The following PCDH15 variants were observed in gnomAD, a reference collection of about 807,000 sequenced individuals.
The protein encoded by PCDH15 is protocadherin related 15.
In PCDH15, 129 loss-of-function variants were observed where a neutral mutation model predicts 178.5. The ratio of observed to expected loss-of-function variants is 0.72; its 90% CI spans 0.63 to 0.84. The LOEUF is 0.84. PCDH15 is among the 40% of genes least tolerant of loss of function. PCDH15 has a pLI of 0.00. For missense variants in PCDH15, 2,230 were observed against 2,099.9 expected (o/e 1.06, Z -1.21); for synonymous variants, 800 against 732.0 (o/e 1.09, Z -1.50).
intron 1 of PCDH15, among the ~76,000 whole-genome samples, chr10:54,775,799 T>C (rs1949630551): frequency 6.6e-6 from 1 of 152,080 alleles, no homozygotes; most frequent in Non-Finnish European, 1.5e-5. Context: ...GGCAGGAGAA[T>C]GGCGTGAACC....
At chr10:54,336,215 T>C (rs1225330359) in intron 6 of PCDH15, among the ~76,000 whole-genome samples, 1 of 152,140 alleles carries the variant, frequency 6.6e-6, no homozygotes, top group African/African-American at 2.4e-5. Flanking sequence ...GCATAAAAAT[T>C]CAGAAAATTT....
intron 2 of PCDH15, among the ~76,000 whole-genome samples, chr10:55,480,187 G>T (rs970198270): frequency 6.6e-6 from 1 of 151,532 alleles, no homozygotes; most frequent in Admixed American, 6.6e-5. Flanking sequence ...CCAGAGATTT[G>T]CAGTTCTACT....
intron 3 of PCDH15, among the ~76,000 whole-genome samples, chr10:54,494,329 G>A (rs978128687): frequency 6.6e-6 from 1 of 151,984 alleles, no homozygotes; most frequent in Non-Finnish European, 1.5e-5. Flanking sequence ...ACTTAGATAA[G>A]ACCCACAGAT....
At chr10:55,228,096 T>C (rs1841103949) in intron 1 of PCDH15, among the ~76,000 whole-genome samples, 1 of 152,076 alleles carries the variant, frequency 6.6e-6, no homozygotes, top group Non-Finnish European at 1.5e-5. Context: ...TTTATTTCAA[T>C]TTTTCACAAT....
Position 53,822,784 on chromosome 10 carries a change from C to G in PCDH15, c.4368-2554G>C. Reference sequence around the variant, plus strand: ...AGAGATTTCAACTGTTCTGTTCCTTCTATCATCAGTGTTTCACCTTGCCTT... The same window carrying G: ...AGAGATTTCAACTGTTCTGTTCCTTGTATCATCAGTGTTTCACCTTGCCTT... On this transcript the variant is annotated intron_variant, in intron 32 of 37. Transcript: ENST00000644397. 6.2e-7 allele frequency: 1 copy of G among 1,614,096 alleles called. No homozygotes were observed. Among genetic ancestry groups the G allele is most frequent in the Non-Finnish European group, 8.5e-7 (1 of 1,179,970 alleles).
intron 8 of PCDH15, among the ~76,000 whole-genome samples, chr10:54,309,320 TAC>T (rs71984217): frequency 0.39 from 57,352 of 145,942 alleles, 11,378 homozygotes; most frequent in Middle Eastern, 0.46. Context: ...TATACGTACA[TAC>T]ACACACACAC....
chr10:54,825,158 A>G (rs1361703847), intron 3 of PCDH15, among the ~76,000 whole-genome samples: 3 of 152,128 alleles, frequency 2.0e-5, no homozygotes, highest in Non-Finnish European at 2.9e-5. Context: ...TTTGCTGAGA[A>G]TGATGGTTTC....
chr10:54,992,758 A>G (rs1223145637), intron 2 of PCDH15, among the ~76,000 whole-genome samples: 1 of 64,010 alleles, frequency 1.6e-5, no homozygotes, highest in Non-Finnish European at 2.8e-5. Flanking sequence ...CCATCTCAAG[A>G]AAAAAAAAAA....
chr10:54,302,184 T>C (rs770763122), intron 8 of PCDH15, among the ~76,000 whole-genome samples: 1 of 152,214 alleles, frequency 6.6e-6, no homozygotes, highest in Non-Finnish European at 1.5e-5. Flanking sequence ...GTTAGATACA[T>C]GTACCCTAAC....
intron 3 of PCDH15, among the ~76,000 whole-genome samples, chr10:54,430,829 G>A (rs932869906): frequency 5.9e-5 from 9 of 151,908 alleles, no homozygotes; most frequent in African/African-American, 1.9e-4. Flanking sequence ...TAAAAAGTTT[G>A]TTTGTTGAAA....
chr10:55,259,160 C>T (rs562530602), intron 1 of PCDH15, among the ~76,000 whole-genome samples: 79 of 152,180 alleles, frequency 5.2e-4, no homozygotes, highest in African/African-American at 1.8e-3. Context: ...CCAGATGGTA[C>T]CCCTGCTGTA....
chr10:55,457,602 T>G (rs1350640182), intron 2 of PCDH15, among the ~76,000 whole-genome samples: 1 of 152,032 alleles, frequency 6.6e-6, no homozygotes, highest in Non-Finnish European at 1.5e-5. Context: ...AGAAAACAAT[T>G]AATTAGCAAG....
At position 55,405,392 on chromosome 10, in the gene PCDH15, C is replaced by T. The variant is rs114368134; in HGVS notation, c.-156+222233G>A. ...CTTTATCTATGAAAGACTTCTTTGGCTTTAAATACCTGTCTTTTAACATCA... is the reference window on the plus strand; with the variant it reads ...CTTTATCTATGAAAGACTTCTTTGGTTTTAAATACCTGTCTTTTAACATCA... On this transcript the variant is annotated intron_variant, in intron 2 of 5. Transcript: ENST00000613346. Among the ~76,000 whole-genome samples the T allele has an allele frequency of 7.8e-3, 1,165 of 149,646 alleles. 15 individuals are homozygous for T. Among genetic ancestry groups the T allele is most frequent in the African/African-American group, 0.026 (1,048 of 40,776 alleles).
intron 1 of PCDH15, among the ~76,000 whole-genome samples, chr10:54,784,168 A>C (rs1950624091): frequency 6.6e-6 from 1 of 152,038 alleles, no homozygotes; most frequent in East Asian, 1.9e-4. Flanking sequence ...TGAGGGTTAT[A>C]GGGATTATGA....
intron 2 of PCDH15, among the ~76,000 whole-genome samples, chr10:55,340,129 T>C (rs1844511394): frequency 6.6e-6 from 1 of 151,352 alleles, no homozygotes; most frequent in South Asian, 2.1e-4. Flanking sequence ...AAAATATACA[T>C]ATAGACACCC....
At chr10:54,965,063 G>C (rs981385760) in intron 2 of PCDH15, among the ~76,000 whole-genome samples, 2 of 152,172 alleles carry the variant, frequency 1.3e-5, no homozygotes, top group African/African-American at 4.8e-5. Flanking sequence ...GCTATAAGCT[G>C]CATATTAAGT....
At chr10:55,339,158 C>T (rs1844482429) in intron 2 of PCDH15, among the ~76,000 whole-genome samples, 1 of 152,076 alleles carries the variant, frequency 6.6e-6, no homozygotes, top group Non-Finnish European at 1.5e-5. Flanking sequence ...TTTCTTAACA[C>T]AAAGGAATGG....
At chr10:54,498,392 C>T (rs2080331832) in intron 3 of PCDH15, among the ~76,000 whole-genome samples, 1 of 152,124 alleles carries the variant, frequency 6.6e-6, no homozygotes, top group African/African-American at 2.4e-5. Flanking sequence ...AGGAACTATA[C>T]AATTCACTCT....
At chr10:54,197,665 G>A (rs11004130) in intron 10 of PCDH15, among the ~76,000 whole-genome samples, 41,566 of 152,006 alleles carry the variant, frequency 0.27, 6,376 homozygotes, top group Non-Finnish European at 0.36. Context: ...GTCTCCAGAA[G>A]ACAATTTTTC....
Sources: gnomAD v4.1 joint callset for allele counts (sites outside exome capture counted in the v4.1 genomes callset) on GRCh38, gnomAD v4.1.1 for gene constraint, MANE v1.5 for transcripts, NCBI Gene and HGNC (gene_info 2026-07-23, HGNC 2026-07-21) for gene names.